The following HELZ variants were observed in gnomAD, a reference collection of about 807,000 sequenced individuals.
The protein encoded by HELZ is helicase with zinc finger.
HELZ carries 23 observed loss-of-function variants against 218.2 expected under a neutral mutation model. That is an observed-to-expected ratio of 0.11 (90% CI 0.08 to 0.15). HELZ has a LOEUF of 0.15. HELZ is among the 10% of genes least tolerant of loss of function. The pLI is 1.00. For synonymous variants in HELZ, 814 were observed against 829.4 expected, an observed-to-expected ratio of 0.98 and a Z score of 0.32; for missense variants, 1,813 against 2,353.7, an observed-to-expected ratio of 0.77 and a Z score of 4.75.
Position 67,148,734 on chromosome 17 carries a change from A to G in HELZ, c.2476-20T>C. 6.3e-7 allele frequency: 1 copy of G among 1,590,234 alleles called. No individual in the cohort carries two copies. The highest frequency in any genetic ancestry group is 1.2e-5 in the South Asian group (1 of 86,902). On this transcript the variant is annotated intron_variant, in intron 19 of 32. Coordinates refer to ENST00000358691, the MANE Select transcript of HELZ (RefSeq NM_014877.4). ...ACTGAGCTGTAACAGACAAACATACAGAGAAAGTTTAACTGAACATACAAA... is the reference window on the plus strand; with the variant it reads ...ACTGAGCTGTAACAGACAAACATACGGAGAAAGTTTAACTGAACATACAAA...
At chr17:67,126,320 A>G (rs1381687495) in intron 24 of HELZ, among the ~76,000 whole-genome samples, 3 of 152,220 alleles carry the variant, frequency 2.0e-5, no homozygotes, top group Non-Finnish European at 4.4e-5. Context: ...TAGACAATAT[A>G]TATCAGCACT....
At position 67,070,569 on chromosome 17, in the gene HELZ, C is replaced by A. The variant is rs559814736; in HGVS notation, c.*7683G>T. On this transcript the variant is annotated 3_prime_UTR_variant, in exon 33 of 33. Transcript: ENST00000358691. Reference sequence around the variant, plus strand: ...ATGAGCACACTGTAGGAACTGTAGACCCCAAGTTGAAAACTTGTTCTATGG... The same window carrying A: ...ATGAGCACACTGTAGGAACTGTAGAACCCAAGTTGAAAACTTGTTCTATGG... 19 of 152,150 alleles carry A rather than the reference C, an allele frequency of 1.2e-4. 1 individual carries two copies. In the South Asian group the frequency reaches 3.7e-3, roughly 30 times the overall value. 9.4% of individuals were successfully genotyped at this position (152,150 alleles called of 1,614,324 possible).
At chr17:67,093,050 A>G (rs2036622558) in intron 31 of HELZ, among the ~76,000 whole-genome samples, 1 of 152,210 alleles carries the variant, frequency 6.6e-6, no homozygotes, top group African/African-American at 2.4e-5. Flanking sequence ...AACAAGTTGA[A>G]AAAAGGGAGG....
At chr17:67,116,776 C>T (rs2037440454) in intron 27 of HELZ, among the ~76,000 whole-genome samples, 1 of 152,184 alleles carries the variant, frequency 6.6e-6, no homozygotes. Flanking sequence ...TACCCCTCCT[C>T]AGTAATTGAT....
At chr17:67,152,607 G>A (rs937738138) in intron 17 of HELZ, among the ~76,000 whole-genome samples, 3 of 151,954 alleles carry the variant, frequency 2.0e-5, no homozygotes, top group Non-Finnish European at 4.4e-5. Context: ...TCAGAATTTC[G>A]TTTTGGGCAT....
intron 2 of HELZ, among the ~76,000 whole-genome samples, chr17:67,240,686 C>T (rs1298361222): frequency 2.0e-5 from 3 of 152,138 alleles, no homozygotes; most frequent in Non-Finnish European, 2.9e-5. Context: ...AACAAAGATG[C>T]CATGCATTCT....
intron 30 of HELZ, 120 bp from the exon 31 acceptor site, chr17:67,107,805 G>A: frequency 1.2e-6 from 1 of 830,364 alleles, no homozygotes; most frequent in East Asian, 2.6e-5. Context: ...ACTAGAACTG[G>A]CATTAATTCA....
chr17:67,150,251 T>C (rs2038642065), intron 18 of HELZ: 1 of 251,814 alleles, frequency 4.0e-6, no homozygotes, highest in East Asian at 1.1e-4. Context: ...AACCTCAGCC[T>C]CCCAAGTAGC....
intron 17 of HELZ, among the ~76,000 whole-genome samples, chr17:67,157,508 A>G (rs562107753): frequency 6.6e-6 from 1 of 152,334 alleles, no homozygotes; most frequent in East Asian, 1.9e-4. Flanking sequence ...TAAGTTAGAC[A>G]CTGTCTAAAA....
chr17:67,187,885 G>A (rs914065920), intron 12 of HELZ, among the ~76,000 whole-genome samples: 2 of 152,246 alleles, frequency 1.3e-5, no homozygotes, highest in Admixed American at 1.3e-4. Flanking sequence ...TTATACTCAA[G>A]ACTTTTCATT....
chr17:67,217,907 TTTTTTGG>T (rs1338268732), intron 4 of HELZ, among the ~76,000 whole-genome samples: 3 of 151,678 alleles, frequency 2.0e-5, no homozygotes, highest in African/African-American at 7.3e-5. Context: ...GTGGGGTTTT[TTTTTTGG>T]TTTTTGTTTT....
At chr17:67,117,010 C>T (rs975088776) in intron 27 of HELZ, among the ~76,000 whole-genome samples, 3 of 152,116 alleles carry the variant, frequency 2.0e-5, no homozygotes, top group Admixed American at 6.5e-5. Context: ...GCGTGCACCA[C>T]CACACCCGGC....
In HELZ at chr17:67,178,932, T is replaced by C. The variant is rs750392750; in HGVS notation, c.1163-6A>G. Reference sequence around the variant, plus strand: ...ATGCATCAGGTATTCGAGATCTAAATGGAAACAAAAAACACATTTATAAAG... The same window carrying C: ...ATGCATCAGGTATTCGAGATCTAAACGGAAACAAAAAACACATTTATAAAG... On this transcript the variant is annotated splice_region_variant and splice_polypyrimidine_tract_variant and intron_variant, in intron 12 of 32. Coordinates refer to ENST00000358691, the MANE Select transcript of HELZ (RefSeq NM_014877.4). 3.2e-6 allele frequency: 5 copies of C among 1,567,332 alleles called. No individual in the cohort carries two copies. In the African/African-American group the frequency reaches 6.9e-5, roughly 21 times the overall value.
chr17:67,154,941 T>C (rs900567232), intron 17 of HELZ, among the ~76,000 whole-genome samples: 1 of 152,202 alleles, frequency 6.6e-6, no homozygotes, highest in African/African-American at 2.4e-5. Context: ...TGTCTAAATA[T>C]CAACTTACTG....
intron 31 of HELZ, among the ~76,000 whole-genome samples, chr17:67,103,867 A>G (rs2037006311): frequency 6.6e-6 from 1 of 152,232 alleles, no homozygotes; most frequent in African/African-American, 2.4e-5. Flanking sequence ...ACAGTGTACA[A>G]TACAGTGTGG....
intron 3 of HELZ, among the ~76,000 whole-genome samples, chr17:67,230,551 C>A (rs755329701): frequency 7.4e-6 from 1 of 135,226 alleles, no homozygotes; most frequent in Admixed American, 8.3e-5. Context: ...GAGCTAAGAT[C>A]GCGGCATTGT....
At chr17:67,123,871 A>G in intron 25 of HELZ, 92 bp downstream of exon 25, 10 of 816,806 alleles carry the variant, frequency 1.2e-5, no homozygotes. Context: ...GAGAGAAACC[A>G]TCTCCCCACC....
intron 21 of HELZ, among the ~76,000 whole-genome samples, chr17:67,140,098 T>G (rs899159608): frequency 1.3e-5 from 2 of 152,198 alleles, no homozygotes; most frequent in African/African-American, 4.8e-5. Context: ...CAGCAGCCAA[T>G]GAACATCAGC....
intron 28 of HELZ, 127 bp from the exon 29 acceptor site, chr17:67,109,813 G>T: frequency 1.6e-6 from 1 of 620,182 alleles, no homozygotes; most frequent in Non-Finnish European, 2.6e-6. Flanking sequence ...AGAGCTGAGT[G>T]CTCAATTATT....
Sources: allele counts gnomAD v4.1 joint callset (sites outside exome capture counted in the v4.1 genomes callset), GRCh38; gene constraint gnomAD v4.1.1; transcripts MANE v1.5; gene names NCBI Gene and HGNC (gene_info 2026-07-23, HGNC 2026-07-21).